RIMKLB: variants seen among roughly 807,000 people sequenced by gnomAD.
RIMKLB encodes beta-citrylglutamate synthase B.
Under a neutral mutation model 32.0 loss-of-function variants are expected in RIMKLB, and 7 were observed. The observed-to-expected ratio is 0.22, with a 90% CI of 0.12 to 0.41. The LOEUF (loss-of-function observed/expected upper bound fraction) is 0.41. Ranked by LOEUF, RIMKLB falls within the 10% of genes least tolerant of loss-of-function variation. RIMKLB has a pLI of 1.00. For missense variants in RIMKLB, 289 were observed against 498.7 expected, an observed-to-expected ratio of 0.58 and a Z score of 4.00; for synonymous variants, 172 against 185.1, an observed-to-expected ratio of 0.93 and a Z score of 0.57.
At chr12:8,699,893 C>G (rs1943236522) in intron 1 of RIMKLB, 1 of 152,220 alleles carries the variant, frequency 6.6e-6, no homozygotes, top group Admixed American at 6.5e-5. Context: ...CGGTCAAGAG[C>G]CACTTTTCTC....
At chr12:8,697,952 CGTCGCGCGCGCTGTGTGTGAGCGGG>C (rs1304808518), upstream of RIMKLB, 394 of 150,676 alleles carry the variant, frequency 2.6e-3, 4 homozygotes, top group African/African-American at 8.3e-3. Flanking sequence ...TCTCCGCCGG[CGTCGCGCGCGCTGTGTGTGAGCGGG>C]GTCGCGCGCG....
chr12:8,776,384 C>T lies in RIMKLB; in HGVS notation c.*2600C>T, dbSNP rs998346177. The T allele has an allele frequency of 3.0e-5, 29 of 982,030 alleles. No homozygotes were observed. Among genetic ancestry groups the T allele is most frequent in the Middle Eastern group, 5.2e-4 (1 of 1,926 alleles). 60.8% of individuals were successfully genotyped at this position (982,030 alleles called of 1,614,324 possible). On this transcript the variant is annotated 3_prime_UTR_variant, in exon 6 of 6. Coordinates refer to ENST00000535829, the MANE Select transcript of RIMKLB (RefSeq NM_001297776.2). ...ATAAGAGCAAATCATTCTGGAAGTACCTTAAGGAAACAAACAGCAGCAGAT... is the reference window on the plus strand; with the variant it reads ...ATAAGAGCAAATCATTCTGGAAGTATCTTAAGGAAACAAACAGCAGCAGAT...
At chr12:8,759,087 G>C (rs1208018223) in intron 5 of RIMKLB, among the ~76,000 whole-genome samples, 1 of 152,104 alleles carries the variant, frequency 6.6e-6, no homozygotes, top group Non-Finnish European at 1.5e-5. Flanking sequence ...GGAATTGATG[G>C]AACAAAATAC....
At chr12:8,733,898 T>G (rs920660845) in intron 2 of RIMKLB, among the ~76,000 whole-genome samples, 3 of 151,982 alleles carry the variant, frequency 2.0e-5, no homozygotes, top group African/African-American at 4.8e-5. Flanking sequence ...GATAGGTGAT[T>G]GTTAGATTGA....
intron 1 of RIMKLB, among the ~76,000 whole-genome samples, chr12:8,687,647 T>C (rs1455273469): frequency 3.3e-5 from 5 of 152,050 alleles, no homozygotes; most frequent in African/African-American, 1.2e-4. Flanking sequence ...CCTTTCTGTT[T>C]TCTTCTCTTT....
chr12:8,723,466 G>T (rs1052260598), intron 2 of RIMKLB, among the ~76,000 whole-genome samples: 1 of 152,180 alleles, frequency 6.6e-6, no homozygotes, highest in Non-Finnish European at 1.5e-5. Flanking sequence ...ATCAAAATGT[G>T]ACACAAAGAC....
intron 1 of RIMKLB, among the ~76,000 whole-genome samples, chr12:8,685,375 G>C (rs1565537562): frequency 1.3e-5 from 2 of 152,082 alleles, no homozygotes. Flanking sequence ...AGGTTTCTTT[G>C]TTGTTTTGTT....
intron 1 of RIMKLB, among the ~76,000 whole-genome samples, chr12:8,703,296 A>T (rs891191456): frequency 2.0e-5 from 3 of 152,184 alleles, no homozygotes; most frequent in Middle Eastern, 3.4e-3. Flanking sequence ...AAAAAAGAAA[A>T]AGAAAAGAAA....
At chr12:8,738,192 C>T (rs1376487216) in intron 2 of RIMKLB, among the ~76,000 whole-genome samples, 1 of 152,178 alleles carries the variant, frequency 6.6e-6, no homozygotes, top group East Asian at 1.9e-4. Context: ...CAGGCATGTA[C>T]CACTGTGCCC....
At chr12:8,672,058 G>A in the RIMKLB span, among the ~76,000 whole-genome samples, 1 of 152,174 alleles carries the variant, frequency 6.6e-6, no homozygotes, top group South Asian at 2.1e-4. Context: ...AATCTCTAGG[G>A]CAGGGGCAAA....
chr12:8,782,340 G>A (rs765428252), intron 7 of RIMKLB, among the ~76,000 whole-genome samples: 23 of 151,370 alleles, frequency 1.5e-4, no homozygotes, highest in Non-Finnish European at 3.4e-4. Flanking sequence ...CTAAAATGCA[G>A]CATAATTGTC....
upstream of RIMKLB, among the ~76,000 whole-genome samples, chr12:8,694,653 CA>C (rs1240407197): frequency 6.6e-6 from 1 of 152,144 alleles, no homozygotes; most frequent in East Asian, 1.9e-4. Context: ...CTTGGCCTCC[CA>C]AAGTGCTGGG....
intron 1 of RIMKLB, among the ~76,000 whole-genome samples, chr12:8,713,116 A>G (rs1237425417): frequency 1.3e-5 from 2 of 152,232 alleles, no homozygotes; most frequent in African/African-American, 4.8e-5. Context: ...TAGGAAGAAT[A>G]AAAACATTGA....
At chr12:8,679,358 T>A (rs61919240), upstream of RIMKLB, 33,567 of 152,154 alleles carry the variant, frequency 0.22, 4,622 homozygotes, top group Non-Finnish European at 0.31. Context: ...GCCTGACTAA[T>A]TTTTGTATTT....
intron 2 of RIMKLB, among the ~76,000 whole-genome samples, chr12:8,738,880 A>T (rs974715114): frequency 6.6e-6 from 1 of 152,212 alleles, no homozygotes; most frequent in Non-Finnish European, 1.5e-5. Context: ...GGAATAGTCC[A>T]TTCCATCAGA....
intron 2 of RIMKLB, among the ~76,000 whole-genome samples, chr12:8,727,135 C>T (rs1044312733): frequency 6.6e-6 from 1 of 152,228 alleles, no homozygotes; most frequent in Non-Finnish European, 1.5e-5. Flanking sequence ...TTATATGTAA[C>T]TGTATGTGTG....
At chr12:8,777,784 A>C, downstream of RIMKLB, 1 of 879,276 alleles carries the variant, frequency 1.1e-6, no homozygotes, top group African/African-American at 1.8e-5. Context: ...ATTCAGGCAC[A>C]GCCCCAGTCT....
rs987139232 is a variant in RIMKLB, at chr12:8,775,579, G to C, written c.*1795G>C. 5 of 985,600 alleles carry C rather than the reference G, an allele frequency of 5.1e-6. No individual in the cohort carries two copies. In the Admixed American group the frequency reaches 2.5e-4, roughly 48 times the overall value. 61.1% of individuals were successfully genotyped at this position (985,600 alleles called of 1,614,324 possible). A position where few individuals can be genotyped will look rare whatever the true frequency, so the allele number is the denominator to read the frequency against. On this transcript the variant is annotated 3_prime_UTR_variant, in exon 6 of 6. Transcript: ENST00000535829. The stretch of plus-strand genomic sequence containing the variant: ...ACATAATTTCTTGGACACTACTAGA[G>C]AGACTTCGAGGCAATAATAAAAGAT...
At chr12:8,693,673 C>T (rs1035898044), upstream of RIMKLB, among the ~76,000 whole-genome samples, 3 of 152,082 alleles carry the variant, frequency 2.0e-5, no homozygotes, top group Non-Finnish European at 2.9e-5. Flanking sequence ...GCTGGGATTA[C>T]ACATGGGAGA....
Sources: gnomAD v4.1 joint callset for allele counts (sites outside exome capture counted in the v4.1 genomes callset) on GRCh38, gnomAD v4.1.1 for gene constraint, MANE v1.5 for transcripts, NCBI Gene and HGNC (gene_info 2026-07-23, HGNC 2026-07-21) for gene names.